SLCO3A1: variants seen among roughly 807,000 people sequenced by gnomAD.
SLCO3A1 encodes solute carrier organic anion transporter family member 3A1.
Under a neutral mutation model 63.1 loss-of-function variants are expected in SLCO3A1, and 27 were observed. That is an observed-to-expected ratio of 0.43 (90% CI 0.32 to 0.59). The LOEUF (loss-of-function observed/expected upper bound fraction) is 0.59, where lower values mean the gene tolerates loss of function less well. SLCO3A1 is among the 20% of genes least tolerant of loss of function. The pLI is 0.09. For missense variants in SLCO3A1, 773 were observed against 945.8 expected (o/e 0.82, Z 2.40); for synonymous variants, 473 against 409.9 (o/e 1.15, Z -1.86).
intron 2 of SLCO3A1, among the ~76,000 whole-genome samples, chr15:91,995,154 G>C (rs1233464118): frequency 6.6e-6 from 1 of 152,204 alleles, no homozygotes; most frequent in Non-Finnish European, 1.5e-5. Flanking sequence ...GCTCTGTGAA[G>C]TATGTGTTGT....
Position 91,950,481 on chromosome 15 carries a change from C to T in SLCO3A1, c.646+34023C>T, listed in dbSNP as rs544943724. Among the ~76,000 whole-genome samples the T allele has an allele frequency of 1.3e-5, 2 of 152,234 alleles. No individual in the cohort carries two copies. Among genetic ancestry groups the T allele is most frequent in the African/African-American group, 4.8e-5 (2 of 41,460 alleles). Reference sequence around the variant, plus strand: ...ATTAGGAAGGGCAGATGAGCCCCTGCAGGGGAACGTTGTGCAGTATGGCAG... The same window carrying T: ...ATTAGGAAGGGCAGATGAGCCCCTGTAGGGGAACGTTGTGCAGTATGGCAG... On this transcript the variant is annotated intron_variant, in intron 2 of 9. Coordinates refer to ENST00000318445, the MANE Select transcript of SLCO3A1 (RefSeq NM_013272.4). The surrounding 1 kb of genome is among the most constrained non-coding windows in gnomAD (Gnocchi z 4.4).
chr15:92,066,376 T>C (rs2047151947), intron 2 of SLCO3A1, among the ~76,000 whole-genome samples: 1 of 152,250 alleles, frequency 6.6e-6, no homozygotes, highest in Non-Finnish European at 1.5e-5. Context: ...ATTGTTGTGC[T>C]GTTTCTGGCA....
intron 2 of SLCO3A1, among the ~76,000 whole-genome samples, chr15:91,949,074 G>GTGC (rs1899908497): frequency 6.6e-6 from 1 of 152,098 alleles, no homozygotes; most frequent in South Asian, 2.1e-4. Flanking sequence ...TCCTTACTGA[G>GTGC]TGCTGACCCT....
intron 1 of SLCO3A1, among the ~76,000 whole-genome samples, chr15:91,876,594 A>G (rs1897404028): frequency 6.6e-6 from 1 of 152,238 alleles, no homozygotes; most frequent in Non-Finnish European, 1.5e-5. Context: ...AGCTACCTAG[A>G]GCTGGAGGCT....
chr15:92,093,156 C>G (rs1384764311), intron 2 of SLCO3A1, among the ~76,000 whole-genome samples: 1 of 152,160 alleles, frequency 6.6e-6, no homozygotes, highest in African/African-American at 2.4e-5. Context: ...AAAGAAATAC[C>G]TGAGGCTGGG....
chr15:92,012,984 A>G (rs1268062231), intron 2 of SLCO3A1, among the ~76,000 whole-genome samples: 3 of 152,196 alleles, frequency 2.0e-5, no homozygotes, highest in African/African-American at 4.8e-5. Context: ...CTGAAAATTA[A>G]AAGACCCTGC....
At chr15:92,141,353 A>G (rs554809163) in intron 7 of SLCO3A1, among the ~76,000 whole-genome samples, 221 of 152,354 alleles carry the variant, frequency 1.5e-3, no homozygotes, top group Non-Finnish European at 2.3e-3. Flanking sequence ...TCTTAGGGAC[A>G]GCCAGAGAAA....
At chr15:91,937,578 G>T (rs1161314775) in intron 2 of SLCO3A1, among the ~76,000 whole-genome samples, 4 of 152,104 alleles carry the variant, frequency 2.6e-5, no homozygotes, top group Admixed American at 6.5e-5. Context: ...AATTAGCTGG[G>T]TCTGGTGGTG....
chr15:92,014,991 A>G (rs1297364539), intron 2 of SLCO3A1, among the ~76,000 whole-genome samples: 1 of 152,200 alleles, frequency 6.6e-6, no homozygotes, highest in Admixed American at 6.5e-5. Context: ...AGGCTGATGC[A>G]TTCTTTCTTG....
intron 2 of SLCO3A1, among the ~76,000 whole-genome samples, chr15:91,938,714 G>T (rs1899507474): frequency 6.6e-6 from 1 of 152,210 alleles, no homozygotes; most frequent in Admixed American, 6.5e-5. Context: ...AGTGTGTGGT[G>T]ATGCGGGATT....
At chr15:91,898,088 G>T (rs2151363568) in intron 1 of SLCO3A1, among the ~76,000 whole-genome samples, 1 of 152,192 alleles carries the variant, frequency 6.6e-6, no homozygotes, top group Admixed American at 6.5e-5. Flanking sequence ...AACATTATAG[G>T]GCTCTGTCAT....
chr15:91,999,362 C>T (rs141060857), intron 2 of SLCO3A1, among the ~76,000 whole-genome samples: 41 of 151,844 alleles, frequency 2.7e-4, no homozygotes, highest in African/African-American at 9.4e-4. Context: ...AACCAATCAA[C>T]GATTAATATT....
intron 9 of SLCO3A1, among the ~76,000 whole-genome samples, chr15:92,159,690 G>A (rs2048413913): frequency 6.6e-6 from 1 of 151,062 alleles, no homozygotes; most frequent in Non-Finnish European, 1.5e-5. Flanking sequence ...TCGGCCTCCT[G>A]AGTACTTAGC....
intron 2 of SLCO3A1, among the ~76,000 whole-genome samples, chr15:91,994,601 A>G (rs1165405045): frequency 6.6e-6 from 1 of 152,210 alleles, no homozygotes; most frequent in African/African-American, 2.4e-5. Context: ...GGTTAAGTTA[A>G]GAGAAGAGTG....
At chr15:92,007,809 G>T (rs2046328677) in intron 2 of SLCO3A1, among the ~76,000 whole-genome samples, 1 of 152,064 alleles carries the variant, frequency 6.6e-6, no homozygotes, top group African/African-American at 2.4e-5. Context: ...GGGTATTTTG[G>T]GATTACCATG....
intron 2 of SLCO3A1, among the ~76,000 whole-genome samples, chr15:91,949,286 C>T (rs564012665): frequency 6.6e-6 from 1 of 152,214 alleles, no homozygotes; most frequent in Admixed American, 6.5e-5. Context: ...CTGCATGATC[C>T]GGCACTAGGT....
chr15:92,114,107 G>A (rs2151554815), intron 4 of SLCO3A1, among the ~76,000 whole-genome samples: 1 of 152,290 alleles, frequency 6.6e-6, no homozygotes, highest in South Asian at 2.1e-4. Flanking sequence ...TCCTGCATTT[G>A]TACAGGCAGG....
chr15:92,147,256 G>A (rs906854737), intron 8 of SLCO3A1, 97 bp downstream of exon 8: 42 of 1,266,354 alleles, frequency 3.3e-5, no homozygotes, highest in East Asian at 4.7e-5. Flanking sequence ...GGAATCTCTC[G>A]AACCAGGTGA....
intron 6 of SLCO3A1, among the ~76,000 whole-genome samples, chr15:92,127,019 G>A (rs535448296): frequency 1.2e-4 from 19 of 152,308 alleles, no homozygotes; most frequent in East Asian, 3.9e-4. Flanking sequence ...CGCTTGTGCC[G>A]GAAGATGCAG....
Sources: allele counts gnomAD v4.1 joint callset (sites outside exome capture counted in the v4.1 genomes callset), GRCh38; gene constraint gnomAD v4.1.1; non-coding constraint Gnocchi (gnomAD v3.1); transcripts MANE v1.5; gene names NCBI Gene and HGNC (gene_info 2026-07-23, HGNC 2026-07-21).